CAPZA1: variants seen among roughly 807,000 people sequenced by gnomAD.
The protein encoded by CAPZA1 is capping actin protein of muscle Z-line subunit alpha 1, also known as F-actin-capping protein subunit alpha-1.
CAPZA1 carries 10 observed loss-of-function variants against 40.8 expected under a neutral mutation model. That is an observed-to-expected ratio of 0.25 (90% CI 0.15 to 0.42). The LOEUF (loss-of-function observed/expected upper bound fraction) is 0.42, where lower values mean the gene tolerates loss of function less well. Ranked by LOEUF, CAPZA1 falls within the 10% of genes least tolerant of loss-of-function variation. The probability of loss-of-function intolerance (pLI) is 1.00; values close to 1 mark genes in which losing one functional copy is unlikely to be tolerated. For synonymous variants in CAPZA1, 98 were observed against 115.0 expected, an observed-to-expected ratio of 0.85 and a Z score of 0.95; for missense variants, 277 against 353.8, an observed-to-expected ratio of 0.78 and a Z score of 1.74.
Position 112,653,581 on chromosome 1 carries a change from C to G in CAPZA1, c.156-17C>G. ...TCTTTTTTTTTTTTTTTTTAAAAAA[C>G]TTTTAAAAAAAAACAGTGCATTTGC... is the stretch of plus-strand genomic sequence containing the variant. On this transcript the variant is annotated splice_polypyrimidine_tract_variant and intron_variant, in intron 3 of 9. Coordinates refer to ENST00000263168, the MANE Select transcript of CAPZA1 (RefSeq NM_006135.3). The G allele has an allele frequency of 4.4e-6, 4 of 907,498 alleles. No individual in the cohort carries two copies. Among genetic ancestry groups the G allele is most frequent in the Non-Finnish European group, 6.1e-6 (4 of 656,332 alleles). The allele number at this position is 907,498 out of a possible 1,614,324, so 56.2% of individuals were successfully genotyped here.
At chr1:112,629,672 A>C (rs534768873) in intron 1 of CAPZA1, among the ~76,000 whole-genome samples, 1 of 152,290 alleles carries the variant, frequency 6.6e-6, no homozygotes, top group Admixed American at 6.5e-5. Flanking sequence ...TTGTCCTCAG[A>C]AAGCTTTAGC....
chr1:112,659,147 C>A, intron 6 of CAPZA1, 46 bp downstream of exon 6: 1 of 1,282,556 alleles, frequency 7.8e-7, no homozygotes, highest in Non-Finnish European at 1.1e-6. Context: ...AAGAAACCAG[C>A]AGTTGAGACT....
intron 1 of CAPZA1, among the ~76,000 whole-genome samples, chr1:112,627,419 C>A (rs558002298): frequency 6.6e-6 from 1 of 151,520 alleles, no homozygotes; most frequent in African/African-American, 2.4e-5. Flanking sequence ...CTGAGGCAGG[C>A]GGATTACTTG....
At chr1:112,647,677 C>CTA (rs1557732924) in intron 2 of CAPZA1, among the ~76,000 whole-genome samples, 1 of 152,196 alleles carries the variant, frequency 6.6e-6, no homozygotes, top group Non-Finnish European at 1.5e-5. Flanking sequence ...GCTGAACGGA[C>CTA]TATATCTGGG....
intron 3 of CAPZA1, among the ~76,000 whole-genome samples, chr1:112,652,632 A>G (rs2101170486): frequency 6.6e-6 from 1 of 152,090 alleles, no homozygotes; most frequent in East Asian, 1.9e-4. Flanking sequence ...TTTCACATGC[A>G]TGTGTGAGAT....
At chr1:112,662,321 G>C (rs1322056740) in intron 7 of CAPZA1, among the ~76,000 whole-genome samples, 1 of 151,672 alleles carries the variant, frequency 6.6e-6, no homozygotes, top group Non-Finnish European at 1.5e-5. Flanking sequence ...ATATTGCCCA[G>C]GCTGGGTTAA....
chr1:112,630,310 ATTATT>A (rs1670895343), intron 1 of CAPZA1, among the ~76,000 whole-genome samples: 1 of 151,732 alleles, frequency 6.6e-6, no homozygotes, highest in African/African-American at 2.4e-5. Context: ...GGCCCTGGCA[ATTATT>A]TTATTTTTTA....
At chr1:112,647,762 G>A (rs1000953130) in intron 2 of CAPZA1, among the ~76,000 whole-genome samples, 2 of 152,144 alleles carry the variant, frequency 1.3e-5, no homozygotes, top group Non-Finnish European at 2.9e-5. Context: ...GGTGGAACTG[G>A]TTAATCTGTA....
chr1:112,670,705 T>C lies in CAPZA1; in HGVS notation c.*573T>C, dbSNP rs906960608. 6.5e-6 allele frequency: 1 copy of C among 152,698 alleles called. No individual in the cohort carries two copies. Among genetic ancestry groups the C allele is most frequent in the Admixed American group, 6.5e-5 (1 of 15,278 alleles). 9.5% of individuals were successfully genotyped at this position (152,698 alleles called of 1,614,324 possible). ...TGGATTGGGACTTTTCAGGTCCTTT[T>C]TGGAGGGCAAAGGAAGTGCCAGCTT... On this transcript the variant is annotated 3_prime_UTR_variant, in exon 10 of 10. Transcript: ENST00000263168.
At chr1:112,620,194 G>C (rs528997047) in intron 1 of CAPZA1, 1 of 296,280 alleles carries the variant, frequency 3.4e-6, no homozygotes, top group African/African-American at 2.2e-5. Context: ...TTTTGCGAGA[G>C]GGTGGTGGTT....
Position 112,667,164 on chromosome 1 carries a change from GTGTC to G in CAPZA1, c.657+25_657+28del. The G allele has an allele frequency of 6.5e-7, 1 of 1,541,514 alleles. No homozygotes were observed. Among genetic ancestry groups the G allele is most frequent in the Non-Finnish European group, 8.9e-7 (1 of 1,119,984 alleles). On this transcript the variant is annotated intron_variant, in intron 8 of 9. Transcript: ENST00000263168. ...TGTTTCGGTGAGTATGGAATATTTA[GTGTC>G]TGTCTTACTCATGTCTCGTTTTTCT...
At chr1:112,640,123 C>A (rs1467752863) in intron 1 of CAPZA1, among the ~76,000 whole-genome samples, 34 of 110,386 alleles carry the variant, frequency 3.1e-4, no homozygotes, top group South Asian at 6.6e-4. Context: ...CCAGCCGCCC[C>A]GTCCGGGAGG....
Position 112,650,586 on chromosome 1 carries a change from T to C in CAPZA1, c.155+1117T>C, listed in dbSNP as rs370813161. Reference sequence around the variant, plus strand: ...ATCAACATCTGTCAATAGACAGTTATCTAATCTGAATGCTTCTAATAATAA... The same window carrying C: ...ATCAACATCTGTCAATAGACAGTTACCTAATCTGAATGCTTCTAATAATAA... On this transcript the variant is annotated intron_variant, in intron 3 of 9. Transcript: ENST00000263168. Among the ~76,000 whole-genome samples, 3 of 152,264 alleles carry C rather than the reference T, an allele frequency of 2.0e-5. No homozygotes were observed. The East Asian group carries it at 5.8e-4, about 29-fold the overall frequency.
chr1:112,670,157 A>T lies in CAPZA1; in HGVS notation c.*25A>T. ...AAGGCTGAATGTAGGATTCTTCAGTATGTGGAAAGACAAGGATTCAACGTG... is the reference window on the plus strand; with the variant it reads ...AAGGCTGAATGTAGGATTCTTCAGTTTGTGGAAAGACAAGGATTCAACGTG... On this transcript the variant is annotated 3_prime_UTR_variant, in exon 10 of 10. Transcript: ENST00000263168. The T allele has an allele frequency of 6.2e-7, 1 of 1,612,700 alleles. No homozygotes were observed. The highest frequency in any genetic ancestry group is 8.5e-7 in the Non-Finnish European group (1 of 1,178,798).
chr1:112,670,796 T>C lies in CAPZA1; in HGVS notation c.*664T>C, dbSNP rs755797974. 8 of 152,702 alleles carry C rather than the reference T, an allele frequency of 5.2e-5. No homozygotes were observed. Among genetic ancestry groups the C allele is most frequent in the African/African-American group, 9.6e-5 (4 of 41,476 alleles). 9.5% of individuals were successfully genotyped at this position (152,702 alleles called of 1,614,324 possible). ...ATTCCCTGCACATGAACATGTTTGC[T>C]TTTATCCCTTCTCTCATTGTCTCCT... is the stretch of plus-strand genomic sequence containing the variant. On this transcript the variant is annotated 3_prime_UTR_variant, in exon 10 of 10. Coordinates refer to ENST00000263168, the MANE Select transcript of CAPZA1 (RefSeq NM_006135.3).
intron 1 of CAPZA1, among the ~76,000 whole-genome samples, chr1:112,643,467 G>A (rs1671217788): frequency 1.3e-5 from 2 of 152,166 alleles, no homozygotes; most frequent in African/African-American, 2.4e-5. Flanking sequence ...GTGAATTCCT[G>A]ATGCCTGTTT....
chr1:112,645,051 A>T (rs992664179), intron 1 of CAPZA1, among the ~76,000 whole-genome samples: 2 of 152,212 alleles, frequency 1.3e-5, no homozygotes, highest in Non-Finnish European at 2.9e-5. Context: ...AGCACTGAGT[A>T]TGAGCACTGG....
At chr1:112,647,311 C>T (rs2101163140) in intron 2 of CAPZA1, 38 bp downstream of exon 2, 1 of 1,084,546 alleles carries the variant, frequency 9.2e-7, no homozygotes. Flanking sequence ...TCCTTAATTA[C>T]CATTATTTAT....
chr1:112,619,850 C>A lies in CAPZA1; in HGVS notation c.6C>A (p.Ala2=). 6.2e-7 allele frequency: 1 copy of A among 1,613,060 alleles called. No homozygotes were observed. The highest frequency in any genetic ancestry group is 8.5e-7 in the Non-Finnish European group (1 of 1,179,580). The change falls in exon 1 of 10, where the codon GCC becomes GCA. Residue 2 remains alanine, a synonymous_variant. Coordinates refer to ENST00000263168, the MANE Select transcript of CAPZA1 (RefSeq NM_006135.3). ...CTGGGCCAGAACAGCCCAAGATGGC[C>A]GACTTCGATGATCGTGTGTCGGATG... is the stretch of plus-strand genomic sequence containing the variant. The part of the protein sequence containing the change: M[A]DFDDRVSDEE...
Sources: gnomAD v4.1 joint callset for allele counts (sites outside exome capture counted in the v4.1 genomes callset) on GRCh38, gnomAD v4.1.1 for gene constraint, MANE v1.5 for transcripts, NCBI Gene and HGNC (gene_info 2026-07-23, HGNC 2026-07-21) for gene names.